The following CDC42EP3 variants were observed in gnomAD, a reference collection of about 807,000 sequenced individuals.
CDC42EP3 encodes the protein CDC42 effector protein (Rho GTPase binding) 3.
In CDC42EP3, 4 loss-of-function variants were observed where a neutral mutation model predicts 15.5. That is an observed-to-expected ratio of 0.26 (90% CI 0.13 to 0.59). The LOEUF (loss-of-function observed/expected upper bound fraction) is 0.59. CDC42EP3 is among the 20% of genes least tolerant of loss of function. CDC42EP3 has a pLI of 0.89. For missense variants in CDC42EP3, 309 were observed against 311.2 expected (o/e 0.99, Z 0.05); for synonymous variants, 145 against 130.3 (o/e 1.11, Z -0.77).
intron 1 of CDC42EP3, among the ~76,000 whole-genome samples, chr2:37,656,365 C>T (rs1382409255): frequency 6.6e-6 from 1 of 152,252 alleles, no homozygotes; most frequent in African/African-American, 2.4e-5. Context: ...ACATGGCCCA[C>T]AGTGAACTTC....
At chr2:37,652,198 A>AG (rs1665709423) in intron 1 of CDC42EP3, among the ~76,000 whole-genome samples, 3 of 149,830 alleles carry the variant, frequency 2.0e-5, no homozygotes, top group Non-Finnish European at 3.0e-5. Context: ...AAAAAAAAAA[A>AG]AAAGAAAATA....
Position 37,662,708 on chromosome 2 carries a change from T to G in CDC42EP3, c.-236+8718A>C, listed in dbSNP as rs78411997. Among the ~76,000 whole-genome samples the G allele has an allele frequency of 4.1e-3, 617 of 152,224 alleles. 3 individuals are homozygous for G. Among genetic ancestry groups the G allele is most frequent in the African/African-American group, 0.014 (578 of 41,522 alleles). ...ACAAATCCCCATCACCAGCATAAACTTACACTAAACTTAATAGAAGGCCAA... is the reference window on the plus strand; with the variant it reads ...ACAAATCCCCATCACCAGCATAAACGTACACTAAACTTAATAGAAGGCCAA... On this transcript the variant is annotated intron_variant, in intron 1 of 1. Coordinates refer to ENST00000295324, the MANE Select transcript of CDC42EP3 (RefSeq NM_006449.5).
intron 1 of CDC42EP3, among the ~76,000 whole-genome samples, chr2:37,659,578 T>C (rs866788471): frequency 1.3e-5 from 2 of 152,228 alleles, no homozygotes; most frequent in African/African-American, 4.8e-5. Flanking sequence ...AAATAGTGTC[T>C]TAGGTAAGAC....
At chr2:37,658,486 A>C (rs1665954359) in intron 1 of CDC42EP3, among the ~76,000 whole-genome samples, 1 of 152,130 alleles carries the variant, frequency 6.6e-6, no homozygotes, top group Non-Finnish European at 1.5e-5. Flanking sequence ...AAAAGCATTG[A>C]TTGGCCTTTC....
At chr2:37,647,284 A>C (rs1421352740) in intron 1 of CDC42EP3, 1 of 152,250 alleles carries the variant, frequency 6.6e-6, no homozygotes, top group African/African-American at 2.4e-5. Context: ...GGAATTATTT[A>C]ATAAGTGACA....
In CDC42EP3 at chr2:37,646,650, A is replaced by T. The variant is rs1287627382; in HGVS notation, c.-63T>A. ...AAGGGCCACTTTCTTCACAGATGGTATATGTTTCTGAATCCTTTTTGATAG... is the reference window on the plus strand; with the variant it reads ...AAGGGCCACTTTCTTCACAGATGGTTTATGTTTCTGAATCCTTTTTGATAG... On this transcript the variant is annotated 5_prime_UTR_variant, in exon 2 of 2. Coordinates refer to ENST00000295324, the MANE Select transcript of CDC42EP3 (RefSeq NM_006449.5). 2.1e-6 allele frequency: 3 copies of T among 1,422,968 alleles called. No homozygotes were observed. The highest frequency in any genetic ancestry group is 2.8e-6 in the Non-Finnish European group (3 of 1,054,190). 88.1% of individuals were successfully genotyped at this position (1,422,968 alleles called of 1,614,324 possible). A position where few individuals can be genotyped will look rare whatever the true frequency, so the allele number is the denominator to read the frequency against.
At position 37,642,579 on chromosome 2, in the gene CDC42EP3, T is replaced by C. The variant is rs1665302975; in HGVS notation, c.*3244A>G. 1 of 152,262 alleles carries C rather than the reference T, an allele frequency of 6.6e-6. No individual in the cohort carries two copies. The highest frequency in any genetic ancestry group is 1.5e-5 in the Non-Finnish European group (1 of 68,046). 9.4% of individuals were successfully genotyped at this position (152,262 alleles called of 1,614,324 possible). A position where few individuals can be genotyped will look rare whatever the true frequency, so the allele number is the denominator to read the frequency against. Reference sequence around the variant, plus strand: ...CTCTTACTGGAGAGAAACCATCATGTTGGCTCATTCTATTGTGTTTATATA... The same window carrying C: ...CTCTTACTGGAGAGAAACCATCATGCTGGCTCATTCTATTGTGTTTATATA... On this transcript the variant is annotated 3_prime_UTR_variant, in exon 2 of 2. Transcript: ENST00000295324.
chr2:37,665,331 G>T (rs989761056), intron 1 of CDC42EP3, among the ~76,000 whole-genome samples: 1 of 151,708 alleles, frequency 6.6e-6, no homozygotes, highest in Admixed American at 6.6e-5. Flanking sequence ...TTTCACAGGT[G>T]ATGGGATGGA....
upstream of CDC42EP3, chr2:37,672,275 A>G (rs9309014): frequency 0.85 from 128,891 of 152,432 alleles, 55,060 homozygotes; most frequent in Middle Eastern, 0.89. Flanking sequence ...AGAGTGGAAT[A>G]AGCGCCCTGA....
chr2:37,647,015 T>TATC (rs1482099307), intron 1 of CDC42EP3, among the ~76,000 whole-genome samples, 193 bp from the exon 2 acceptor site: 5 of 152,336 alleles, frequency 3.3e-5, no homozygotes, highest in African/African-American at 1.2e-4. Context: ...AAAAACCCCA[T>TATC]ATCTATGACA....
At chr2:37,653,859 C>T (rs1443124362) in intron 1 of CDC42EP3, among the ~76,000 whole-genome samples, 3 of 152,132 alleles carry the variant, frequency 2.0e-5, no homozygotes, top group East Asian at 1.9e-4. Flanking sequence ...GGTGCTACTG[C>T]CCCCAGGGAC....
At position 37,646,618 on chromosome 2, in the gene CDC42EP3, C is replaced by A; in HGVS notation, c.-31G>T. 1 of 1,518,208 alleles carries A rather than the reference C, an allele frequency of 6.6e-7. No homozygotes were observed. Among genetic ancestry groups the A allele is most frequent in the Non-Finnish European group, 8.8e-7 (1 of 1,136,390 alleles). The allele number at this position is 1,518,208 out of a possible 1,614,324, so 94.0% of individuals were successfully genotyped here. A position where few individuals can be genotyped will look rare whatever the true frequency, so the allele number is the denominator to read the frequency against. The stretch of plus-strand genomic sequence containing the variant: ...AATTTGAGAATGTCTATTTTGCAAG[C>A]GGGAGAAAGGGCCACTTTCTTCACA... On this transcript the variant is annotated 5_prime_UTR_variant, in exon 2 of 2. Coordinates refer to ENST00000295324, the MANE Select transcript of CDC42EP3 (RefSeq NM_006449.5).
At chr2:37,663,163 G>T (rs576353762) in intron 1 of CDC42EP3, among the ~76,000 whole-genome samples, 1 of 150,954 alleles carries the variant, frequency 6.6e-6, no homozygotes, top group Admixed American at 6.6e-5. Context: ...AGTGAAACTC[G>T]GTCTCAAAAA....
At chr2:37,656,724 A>G (rs940888144) in intron 1 of CDC42EP3, among the ~76,000 whole-genome samples, 1 of 152,210 alleles carries the variant, frequency 6.6e-6, no homozygotes, top group Non-Finnish European at 1.5e-5. Context: ...AAGGACTGCC[A>G]ACCTGAAGAC....
rs760947224 is a variant in CDC42EP3 at position 37,655,456 on chromosome 2, T to C, written c.-235-8634A>G. ...TGGAAGACAGAAGGTCCACCTCACA[T>C]AGCACCAAGTCTGCACTTTTGAACA... On this transcript the variant is annotated intron_variant, in intron 1 of 1. Coordinates refer to ENST00000295324, the MANE Select transcript of CDC42EP3 (RefSeq NM_006449.5). Among the ~76,000 whole-genome samples, 4 of 152,202 alleles carry C rather than the reference T, an allele frequency of 2.6e-5. No homozygotes were observed. In the South Asian group the frequency reaches 8.3e-4, roughly 32 times the overall value.
At chr2:37,664,097 C>G (rs1666176498) in intron 1 of CDC42EP3, among the ~76,000 whole-genome samples, 1 of 152,148 alleles carries the variant, frequency 6.6e-6, no homozygotes, top group Non-Finnish European at 1.5e-5. Context: ...TGGCGTGAAC[C>G]TGGGAGGCGG....
intron 1 of CDC42EP3, among the ~76,000 whole-genome samples, chr2:37,664,277 T>C (rs145606853): frequency 0.012 from 1,798 of 152,326 alleles, 37 homozygotes; most frequent in African/African-American, 0.042. Flanking sequence ...CTTCCTGCCC[T>C]CACACATCAG....
At chr2:37,653,341 T>C (rs1367154003) in intron 1 of CDC42EP3, among the ~76,000 whole-genome samples, 2 of 152,204 alleles carry the variant, frequency 1.3e-5, no homozygotes, top group Non-Finnish European at 2.9e-5. Context: ...CCCTGGTTTT[T>C]ATAAGGAAGG....
intron 1 of CDC42EP3, among the ~76,000 whole-genome samples, chr2:37,665,806 T>G (rs191822422): frequency 6.6e-6 from 1 of 152,106 alleles, no homozygotes; most frequent in Non-Finnish European, 1.5e-5. Context: ...CAACCCAGAG[T>G]CTTACATTAT....
Sources: allele counts gnomAD v4.1 joint callset (sites outside exome capture counted in the v4.1 genomes callset), GRCh38; gene constraint gnomAD v4.1.1; transcripts MANE v1.5; gene names NCBI Gene and HGNC (gene_info 2026-07-23, HGNC 2026-07-21).